The following TMEM116 variants were observed in gnomAD, a reference collection of about 807,000 sequenced individuals.
The protein encoded by TMEM116 is transmembrane protein 116.
A neutral mutation model predicts 44.3 loss-of-function variants in TMEM116; 38 were observed. That is an observed-to-expected ratio of 0.86 (90% CI 0.66 to 1.12). The LOEUF (loss-of-function observed/expected upper bound fraction) is 1.12. Ranked by LOEUF, TMEM116 falls within the 50% of genes most tolerant of loss-of-function variation. The probability of loss-of-function intolerance (pLI) is 0.00; values close to 1 mark genes in which losing one functional copy is unlikely to be tolerated. For missense variants in TMEM116, 354 were observed against 401.7 expected, an observed-to-expected ratio of 0.88 and a Z score of 1.01; for synonymous variants, 132 against 144.8, an observed-to-expected ratio of 0.91 and a Z score of 0.64.
rs187715622 is a variant in TMEM116, at chr12:111,990,107, T to C, written c.210+1651A>G. ...CGTCTCTACTAAAAATACAAAAAATTAGCCAGGCGTGGTGGCAGGCGCCTG... is the reference window on the plus strand; with the variant it reads ...CGTCTCTACTAAAAATACAAAAAATCAGCCAGGCGTGGTGGCAGGCGCCTG... On this transcript the variant is annotated intron_variant, in intron 4 of 10. Transcript: ENST00000552374. 1.2e-4 allele frequency among the ~76,000 whole-genome samples: 18 copies of C among 151,966 alleles called. 1 individual carries two copies. In the East Asian group the frequency reaches 3.3e-3, roughly 28 times the overall value.
chr12:111,948,459 C>A (rs2073451107), intron 4 of TMEM116, among the ~76,000 whole-genome samples: 1 of 152,100 alleles, frequency 6.6e-6, no homozygotes. Flanking sequence ...TCATACAGTG[C>A]CAATCAATAG....
chr12:111,949,426 G>C (rs568011247), intron 4 of TMEM116, among the ~76,000 whole-genome samples: 9 of 152,220 alleles, frequency 5.9e-5, no homozygotes, highest in Admixed American at 4.6e-4. Context: ...ATTGTTTATA[G>C]ATACTATGGA....
At chr12:112,003,136 A>G (rs563618245) in intron 3 of TMEM116, among the ~76,000 whole-genome samples, 1 of 152,352 alleles carries the variant, frequency 6.6e-6, no homozygotes, top group Admixed American at 6.5e-5. Context: ...TCCCAGTAGC[A>G]ATTTTACTAA....
At chr12:111,996,246 G>C (rs1203362321) in intron 3 of TMEM116, among the ~76,000 whole-genome samples, 2 of 151,746 alleles carry the variant, frequency 1.3e-5, no homozygotes, top group Non-Finnish European at 2.9e-5. Context: ...TTGAGTCTGT[G>C]TCAAGACACC....
intron 1 of TMEM116, among the ~76,000 whole-genome samples, chr12:112,009,431 G>A (rs1032792171): frequency 2.0e-5 from 3 of 151,422 alleles, no homozygotes; most frequent in African/African-American, 7.3e-5. Flanking sequence ...ATATGTCAAG[G>A]ATCTTAGTAT....
intron 4 of TMEM116, among the ~76,000 whole-genome samples, chr12:111,978,110 A>C (rs1188539743): frequency 6.6e-6 from 1 of 151,610 alleles, no homozygotes; most frequent in Non-Finnish European, 1.5e-5. Flanking sequence ...TTAAAAAAAA[A>C]AAAAAGGCCC....
chr12:111,957,274 G>C (rs1007836897), intron 4 of TMEM116, among the ~76,000 whole-genome samples: 1 of 151,686 alleles, frequency 6.6e-6, no homozygotes. Context: ...CCTCTGCCCG[G>C]CCATGATCCC....
At chr12:111,955,445 T>C (rs2074014597) in intron 4 of TMEM116, among the ~76,000 whole-genome samples, 1 of 152,130 alleles carries the variant, frequency 6.6e-6, no homozygotes, top group Non-Finnish European at 1.5e-5. Context: ...ATCATATATA[T>C]CCAAATTAAT....
At chr12:111,946,688 T>C (rs2073309267) in intron 4 of TMEM116, among the ~76,000 whole-genome samples, 1 of 152,214 alleles carries the variant, frequency 6.6e-6, no homozygotes, top group African/African-American at 2.4e-5. Flanking sequence ...TGGGGGCCTG[T>C]TCCCAACACC....
At chr12:111,942,315 G>C (rs556839991) in intron 5 of TMEM116, among the ~76,000 whole-genome samples, 5 of 151,544 alleles carry the variant, frequency 3.3e-5, no homozygotes, top group Non-Finnish European at 7.4e-5. Flanking sequence ...CTGTCGCCCA[G>C]GCTGGAGTGC....
intron 4 of TMEM116, among the ~76,000 whole-genome samples, chr12:111,961,603 T>C (rs1003860268): frequency 5.9e-5 from 9 of 152,184 alleles, no homozygotes; most frequent in African/African-American, 9.7e-5. Context: ...GAAAAGGACT[T>C]TGACAAAATT....
chr12:111,968,494 T>G (rs1168640858), intron 4 of TMEM116, among the ~76,000 whole-genome samples: 5 of 152,168 alleles, frequency 3.3e-5, no homozygotes, highest in Non-Finnish European at 7.3e-5. Context: ...AGATAAAATT[T>G]GAAATGTCTG....
At chr12:111,943,756 C>T (rs1003526194) in intron 4 of TMEM116, among the ~76,000 whole-genome samples, 5 of 152,022 alleles carry the variant, frequency 3.3e-5, no homozygotes, top group African/African-American at 7.2e-5. Flanking sequence ...AGGCTGGTCT[C>T]GAACTCCTGA....
In TMEM116 at chr12:111,937,182, G is replaced by C; in HGVS notation, c.427C>G (p.Gln143Glu). Residue 143 changes from glutamine to glutamate, a missense_variant, in exon 7 of 11, where the codon CAA becomes GAA. By Grantham distance (29) the Gln-to-Glu change is conservative. Transcript: ENST00000552374. ...TACTTGTGGCTCTGACTGAAGTTTTGGAAACATTCACTAGTATTTCCCAGA... is the reference window on the plus strand; with the variant it reads ...TACTTGTGGCTCTGACTGAAGTTTTCGAAACATTCACTAGTATTTCCCAGA... ...FCLGNTSECF[Q>E]NFSQSHKCIL... 1 of 1,613,670 alleles carries C rather than the reference G, an allele frequency of 6.2e-7. No homozygotes were observed. Among genetic ancestry groups the C allele is most frequent in the Non-Finnish European group, 8.5e-7 (1 of 1,179,756 alleles).
chr12:111,941,994 A>C (rs1342365694), intron 5 of TMEM116, among the ~76,000 whole-genome samples: 3 of 152,274 alleles, frequency 2.0e-5, no homozygotes, highest in South Asian at 4.1e-4. Flanking sequence ...GCTGGAGTGC[A>C]ATGGTGCAAT....
chr12:111,968,255 G>C (rs1242566280), intron 4 of TMEM116, among the ~76,000 whole-genome samples: 2 of 152,078 alleles, frequency 1.3e-5, no homozygotes, highest in African/African-American at 4.8e-5. Context: ...TCACCACCAA[G>C]ACTAGAAAAA....
At chr12:111,936,657 A>C in intron 8 of TMEM116, 35 bp downstream of exon 8, 2 of 1,600,062 alleles carry the variant, frequency 1.2e-6, no homozygotes, top group Non-Finnish European at 1.7e-6. Context: ...TCATTTCCTC[A>C]TCTCTCCACA....
At chr12:112,011,783 C>T in intron 1 of TMEM116, 1 of 152,408 alleles carries the variant, frequency 6.6e-6, no homozygotes, top group Non-Finnish European at 1.5e-5. Context: ...ACTGCAGCCT[C>T]GACCCCTCAG....
intron 4 of TMEM116, among the ~76,000 whole-genome samples, chr12:111,969,235 G>A (rs1438463725): frequency 6.8e-6 from 1 of 147,620 alleles, no homozygotes; most frequent in South Asian, 2.2e-4. Flanking sequence ...CAGGAGAATC[G>A]TTTGAACCTG....
Sources: gnomAD v4.1 joint callset for allele counts (sites outside exome capture counted in the v4.1 genomes callset) on GRCh38, gnomAD v4.1.1 for gene constraint, MANE v1.5 for transcripts, NCBI Gene and HGNC (gene_info 2026-07-23, HGNC 2026-07-21) for gene names.